The following C11orf65 variants were observed in gnomAD, a reference collection of about 807,000 sequenced individuals.
C11orf65 encodes the protein chromosome 11 open reading frame 65.
Under a neutral mutation model 35.3 loss-of-function variants are expected in C11orf65, and 38 were observed. The observed-to-expected ratio is 1.08, with a 90% CI of 0.83 to 1.41. The LOEUF (loss-of-function observed/expected upper bound fraction) is 1.41, where lower values mean the gene tolerates loss of function less well. Ranked by LOEUF, C11orf65 falls within the 40% of genes most tolerant of loss-of-function variation. C11orf65 has a pLI of 0.00. For synonymous variants in C11orf65, 105 were observed against 114.4 expected, an observed-to-expected ratio of 0.92 and a Z score of 0.53; for missense variants, 370 against 367.1, an observed-to-expected ratio of 1.01 and a Z score of -0.06.
At chr11:108,311,148 T>G (rs2084123980) in intron 6 of C11orf65, among the ~76,000 whole-genome samples, 1 of 152,092 alleles carries the variant, frequency 6.6e-6, no homozygotes, top group Non-Finnish European at 1.5e-5. Context: ...TTTTAATTTT[T>G]ATTTTTAATA....
chr11:108,351,889 C>T (rs1468021692), intron 2 of C11orf65, among the ~76,000 whole-genome samples: 1 of 152,066 alleles, frequency 6.6e-6, no homozygotes, highest in Non-Finnish European at 1.5e-5. Context: ...TTTTTTCTGA[C>T]TCACTCCTTG....
chr11:108,418,229 T>C (rs1490423672), intron 3 of C11orf65, among the ~76,000 whole-genome samples: 1 of 152,178 alleles, frequency 6.6e-6, no homozygotes, highest in Non-Finnish European at 1.5e-5. Context: ...CTATAGAAGA[T>C]TTGATCAACA....
At chr11:108,354,587 A>G (rs889435642) in intron 2 of C11orf65, among the ~76,000 whole-genome samples, 1 of 152,230 alleles carries the variant, frequency 6.6e-6, no homozygotes, top group Non-Finnish European at 1.5e-5. Context: ...GTGTTGTGTT[A>G]TTCTTGTAAA....
chr11:108,398,178 T>C (rs2092363570), intron 6 of C11orf65, among the ~76,000 whole-genome samples: 1 of 152,208 alleles, frequency 6.6e-6, no homozygotes, highest in African/African-American at 2.4e-5. Context: ...GTTTAGTGTT[T>C]ATACAGAGAA....
chr11:108,357,425 A>T (rs2090126730), intron 2 of C11orf65, among the ~76,000 whole-genome samples: 2 of 152,220 alleles, frequency 1.3e-5, no homozygotes, highest in Admixed American at 6.5e-5. Context: ...GGGAAGCTCG[A>T]ACTGGGTGGA....
At chr11:108,448,945 A>G (rs1311247502) in intron 2 of C11orf65, among the ~76,000 whole-genome samples, 2 of 152,254 alleles carry the variant, frequency 1.3e-5, no homozygotes, top group African/African-American at 4.8e-5. Context: ...GTCTCAGGAT[A>G]CAAAATCAAT....
chr11:108,433,689 C>T (rs139102691), intron 2 of C11orf65, among the ~76,000 whole-genome samples: 1,704 of 151,392 alleles, frequency 0.011, 31 homozygotes, highest in Non-Finnish European at 0.011. Context: ...AACATTTATT[C>T]TGCATTCCAT....
At chr11:108,456,944 T>TAA (rs901494130) in intron 2 of C11orf65, among the ~76,000 whole-genome samples, 1 of 152,156 alleles carries the variant, frequency 6.6e-6, no homozygotes, top group African/African-American at 2.4e-5. Context: ...ACAAAGGACT[T>TAA]GCATTCAGGA....
At chr11:108,333,564 A>G (rs1031182594) in intron 3 of C11orf65, among the ~76,000 whole-genome samples, 1 of 152,258 alleles carries the variant, frequency 6.6e-6, no homozygotes, top group Non-Finnish European at 1.5e-5. Context: ...TTTAATGGTA[A>G]TGTGACAGGA....
At chr11:108,467,727 T>C (rs549087705), upstream of C11orf65, among the ~76,000 whole-genome samples, 13 of 152,326 alleles carry the variant, frequency 8.5e-5, no homozygotes, top group East Asian at 2.5e-3. Flanking sequence ...AGCAAAGTGA[T>C]TGTCTACGAA....
At chr11:108,411,436 T>G (rs1274011777) in intron 3 of C11orf65, among the ~76,000 whole-genome samples, 4 of 152,218 alleles carry the variant, frequency 2.6e-5, no homozygotes, top group Admixed American at 6.5e-5. Flanking sequence ...TAACATTACT[T>G]TTGCAAAACT....
chr11:108,443,839 T>C (rs959758974), intron 2 of C11orf65, among the ~76,000 whole-genome samples: 2 of 152,170 alleles, frequency 1.3e-5, no homozygotes, highest in African/African-American at 4.8e-5. Context: ...CAGAAATTTA[T>C]AGCACTAAAT....
intron 2 of C11orf65, chr11:108,365,032 G>A (rs2091186677): frequency 1.3e-6 from 2 of 1,594,976 alleles, no homozygotes; most frequent in East Asian, 4.5e-5. Flanking sequence ...TTCTAAGTAT[G>A]TGATTAAAAT....
At chr11:108,387,985 G>A (rs578158182) in intron 7 of C11orf65, among the ~76,000 whole-genome samples, 4 of 152,316 alleles carry the variant, frequency 2.6e-5, no homozygotes, top group African/African-American at 7.2e-5. Context: ...AGCAGGTGGT[G>A]TAACTCCTTC....
chr11:108,330,907 A>T (rs2086175178), downstream of C11orf65, among the ~76,000 whole-genome samples: 2 of 152,202 alleles, frequency 1.3e-5, no homozygotes, highest in Admixed American at 1.3e-4. Flanking sequence ...TTTCTTTGAA[A>T]ACCTTAGATT....
intron 3 of C11orf65, among the ~76,000 whole-genome samples, chr11:108,332,589 A>G (rs2086380628): frequency 1.3e-5 from 2 of 152,180 alleles, no homozygotes. Context: ...TGACGAGAGT[A>G]TGTATCTTTG....
At chr11:108,469,080 G>A (rs572571531), upstream of C11orf65, among the ~76,000 whole-genome samples, 22 of 151,810 alleles carry the variant, frequency 1.4e-4, no homozygotes, top group South Asian at 6.2e-4. Flanking sequence ...TCCTGGTGGC[G>A]CGCTGCCTGT....
chr11:108,336,092 T>G, intron 2 of C11orf65: 1 of 694,560 alleles, frequency 1.4e-6, no homozygotes, highest in Non-Finnish European at 2.6e-6. Context: ...AGGCCAGGAG[T>G]TCGAGACCAG....
intron 2 of C11orf65, among the ~76,000 whole-genome samples, chr11:108,433,727 T>C (rs966937569): frequency 2.7e-5 from 4 of 148,492 alleles, no homozygotes; most frequent in Admixed American, 1.3e-4. Context: ...TAACAGGGCT[T>C]GTTAGGCTTG....
Sources: allele counts gnomAD v4.1 joint callset (sites outside exome capture counted in the v4.1 genomes callset), GRCh38; gene constraint gnomAD v4.1.1; transcripts MANE v1.5; gene names NCBI Gene and HGNC (gene_info 2026-07-23, HGNC 2026-07-21).